The following AOPEP variants were observed in gnomAD, a reference collection of about 807,000 sequenced individuals.
AOPEP encodes aminopeptidase O (putative).
Under a neutral mutation model 98.1 loss-of-function variants are expected in AOPEP, and 77 were observed. The ratio of observed to expected loss-of-function variants is 0.78; its 90% CI spans 0.65 to 0.95. The LOEUF is 0.95. AOPEP is among the 40% of genes least tolerant of loss of function. The pLI, the probability that AOPEP is intolerant of heterozygous loss-of-function variation, is 0.00. For synonymous variants in AOPEP, 346 were observed against 365.3 expected (o/e 0.95, Z 0.60); for missense variants, 1,024 against 1,024.7 (o/e 1.00, Z 0.01).
chr9:94,934,315 C>CT (rs974551445), intron 7 of AOPEP, among the ~76,000 whole-genome samples: 4,649 of 116,666 alleles, frequency 0.04, 339 homozygotes, highest in East Asian at 0.18. Context: ...CTTCTCCCAT[C>CT]TTTTTTTTTT....
chr9:95,032,132 A>G (rs1201980826), intron 13 of AOPEP, among the ~76,000 whole-genome samples: 1 of 152,248 alleles, frequency 6.6e-6, no homozygotes, highest in Non-Finnish European at 1.5e-5. Flanking sequence ...CAGGACTCAC[A>G]GTGAGCCTGC....
chr9:94,963,059 G>A (rs908136827), intron 9 of AOPEP, among the ~76,000 whole-genome samples: 47 of 152,132 alleles, frequency 3.1e-4, no homozygotes, highest in Non-Finnish European at 6.8e-4. Context: ...TATCATCTTT[G>A]TAGCCCCCAC....
intron 5 of AOPEP, among the ~76,000 whole-genome samples, chr9:94,886,285 T>C (rs72748550): frequency 0.029 from 4,405 of 152,308 alleles, 171 homozygotes; most frequent in African/African-American, 0.084. Flanking sequence ...GTGTGCTGTG[T>C]TGGGTGTGTG....
chr9:94,819,390 C>G (rs1237927936), intron 5 of AOPEP, among the ~76,000 whole-genome samples: 1 of 152,214 alleles, frequency 6.6e-6, no homozygotes, highest in East Asian at 1.9e-4. Context: ...TGGCCAGCAG[C>G]TGCGGGGAGC....
chr9:94,805,455 A>G (rs1849051895), intron 5 of AOPEP, among the ~76,000 whole-genome samples: 2 of 151,234 alleles, frequency 1.3e-5, no homozygotes, highest in African/African-American at 2.4e-5. Flanking sequence ...TTATTTGCTC[A>G]TCCTAGTTTG....
At chr9:95,123,959 C>T in the AOPEP span, 1 of 368,738 alleles carries the variant, frequency 2.7e-6, no homozygotes, top group Non-Finnish European at 5.3e-6. Flanking sequence ...AAAAAGTAGC[C>T]ATGAGTGGTG....
At chr9:94,780,683 T>C (rs763506952) in intron 3 of AOPEP, among the ~76,000 whole-genome samples, 9 of 152,258 alleles carry the variant, frequency 5.9e-5, no homozygotes, top group Non-Finnish European at 1.0e-4. Flanking sequence ...TACAAGATGA[T>C]GCTATTTCCT....
chr9:95,014,711 A>G (rs1366314701), intron 13 of AOPEP, among the ~76,000 whole-genome samples: 1 of 152,154 alleles, frequency 6.6e-6, no homozygotes, highest in Non-Finnish European at 1.5e-5. Flanking sequence ...AGAAAACTCC[A>G]TTTCCATTTA....
chr9:94,808,697 T>C (rs980509816), intron 5 of AOPEP, among the ~76,000 whole-genome samples: 1 of 152,228 alleles, frequency 6.6e-6, no homozygotes, highest in African/African-American at 2.4e-5. Context: ...CACCATAAAA[T>C]GGAAATCTTG....
chr9:95,052,486 C>A (rs961556762), intron 13 of AOPEP, among the ~76,000 whole-genome samples: 1 of 152,162 alleles, frequency 6.6e-6, no homozygotes, highest in African/African-American at 2.4e-5. Flanking sequence ...AGAGGAAAAA[C>A]CATATTATCA....
chr9:94,781,996 C>G (rs1437663307), intron 3 of AOPEP, among the ~76,000 whole-genome samples: 1 of 151,056 alleles, frequency 6.6e-6, no homozygotes, highest in African/African-American at 2.4e-5. Context: ...TCGAGACCAT[C>G]CTGCCTAACA....
At chr9:95,133,361 C>A in the AOPEP span, among the ~76,000 whole-genome samples, 2 of 152,380 alleles carry the variant, frequency 1.3e-5, no homozygotes, top group South Asian at 2.1e-4. Flanking sequence ...CCAAATAACA[C>A]CCTCTAGAAT....
At chr9:94,901,804 C>T (rs754190215) in intron 5 of AOPEP, among the ~76,000 whole-genome samples, 4 of 151,822 alleles carry the variant, frequency 2.6e-5, no homozygotes, top group Non-Finnish European at 5.9e-5. Flanking sequence ...AGCCGGGCGT[C>T]GTGGAGCACA....
At chr9:94,854,322 C>G (rs2043922667) in intron 5 of AOPEP, among the ~76,000 whole-genome samples, 1 of 152,082 alleles carries the variant, frequency 6.6e-6, no homozygotes, top group South Asian at 2.1e-4. Flanking sequence ...GGCAAAGGTG[C>G]CTCATGAAAG....
chr9:94,832,157 T>C (rs1275711459), intron 5 of AOPEP, among the ~76,000 whole-genome samples: 3 of 152,082 alleles, frequency 2.0e-5, no homozygotes, highest in African/African-American at 7.2e-5. Flanking sequence ...AACAAATGAC[T>C]CATTGGGAAA....
the AOPEP span, chr9:95,101,369 G>A: frequency 1.2e-5 from 5 of 413,226 alleles, no homozygotes; most frequent in African/African-American, 9.8e-5. Flanking sequence ...AATAATAGAT[G>A]TGCAGCTTGA....
At chr9:94,910,299 C>G (rs1017757886) in intron 5 of AOPEP, among the ~76,000 whole-genome samples, 1 of 152,214 alleles carries the variant, frequency 6.6e-6, no homozygotes, top group Non-Finnish European at 1.5e-5. Context: ...CTCTCTCTTA[C>G]CCTGGGCCCT....
chr9:94,766,640 C>A (rs888020407), intron 2 of AOPEP, among the ~76,000 whole-genome samples: 1 of 152,166 alleles, frequency 6.6e-6, no homozygotes, highest in Non-Finnish European at 1.5e-5. Flanking sequence ...TTTAGGAGGT[C>A]TGAGCTTAAG....
chr9:95,001,482 TC>T (rs1031949361), intron 11 of AOPEP, among the ~76,000 whole-genome samples: 2 of 152,174 alleles, frequency 1.3e-5, no homozygotes, highest in African/African-American at 4.8e-5. Context: ...AGAATACCTG[TC>T]CCCCACTATA....
Sources: gnomAD v4.1 joint callset for allele counts (sites outside exome capture counted in the v4.1 genomes callset) on GRCh38, gnomAD v4.1.1 for gene constraint, MANE v1.5 for transcripts, NCBI Gene and HGNC (gene_info 2026-07-23, HGNC 2026-07-21) for gene names.